The following GLYATL1B variants were observed in gnomAD, a reference collection of about 807,000 sequenced individuals.
The protein encoded by GLYATL1B is putative glycine N-acyltransferase-like protein 1B.
In GLYATL1B, 6 loss-of-function variants were observed where a neutral mutation model predicts 5.5. The observed-to-expected ratio is 1.09, with a 90% confidence interval of 0.60 to 2.15. The LOEUF (loss-of-function observed/expected upper bound fraction) is 2.15, where lower values mean the gene tolerates loss of function less well. Among genes scored for constraint, GLYATL1B ranks in the 30% most tolerant of loss-of-function variants. GLYATL1B has a pLI of 0.00. For synonymous variants in GLYATL1B, 67 were observed against 34.9 expected (o/e 1.92, Z -3.24); for missense variants, 135 against 94.1 (o/e 1.43, Z -1.80).
intron 2 of GLYATL1B, among the ~76,000 whole-genome samples, chr11:59,090,291 A>G (rs549324134): frequency 6.6e-6 from 1 of 151,974 alleles, no homozygotes; most frequent in Non-Finnish European, 1.5e-5. Context: ...AACAAAAACT[A>G]ATTTTTCAGT....
At position 59,091,444 on chromosome 11, in the gene GLYATL1B, C is replaced by A. The variant is rs185422119; in HGVS notation, c.187-2085C>A. ...CTTGGAGTATGGACAGATCCCATCA[C>A]CCTGGTAGTGAGCATAGTACCCGAT... On this transcript the variant is annotated intron_variant, in intron 2 of 4. Transcript: ENST00000527482. Among the ~76,000 whole-genome samples the A allele has an allele frequency of 4.9e-3, 743 of 152,270 alleles. 1 individual carries two copies. Among genetic ancestry groups the A allele is most frequent in the Non-Finnish European group, 8.8e-3 (595 of 67,998 alleles).
chr11:59,087,790 G>GT (rs1377843832), intron 2 of GLYATL1B, among the ~76,000 whole-genome samples: 3 of 152,132 alleles, frequency 2.0e-5, no homozygotes, highest in East Asian at 3.9e-4. Flanking sequence ...TGAGGCTGCA[G>GT]TGAGCCAAGA....
chr11:59,093,498 G>C (rs1299703589), intron 2 of GLYATL1B, 31 bp from the exon 3 acceptor site: 1 of 475,934 alleles, frequency 2.1e-6, no homozygotes, highest in Non-Finnish European at 3.9e-6. Context: ...AAGTTCAAGG[G>C]AATGATCTGA....
At chr11:59,091,801 G>A (rs529697985) in intron 2 of GLYATL1B, among the ~76,000 whole-genome samples, 26 of 152,182 alleles carry the variant, frequency 1.7e-4, no homozygotes, top group African/African-American at 5.8e-4. Flanking sequence ...GCAAAGACAT[G>A]GAATCATCAC....
At chr11:59,086,630 GGTTT>G (rs1428352118) in intron 1 of GLYATL1B, among the ~76,000 whole-genome samples, 14 of 152,114 alleles carry the variant, frequency 9.2e-5, no homozygotes, top group African/African-American at 3.4e-4. Flanking sequence ...TACGAACATC[GGTTT>G]GGGGCCAGAT....
intron 2 of GLYATL1B, among the ~76,000 whole-genome samples, chr11:59,089,020 C>T (rs916562760): frequency 2.6e-5 from 4 of 152,120 alleles, no homozygotes; most frequent in Non-Finnish European, 5.9e-5. Context: ...AAGTTAATAA[C>T]CTCTCACCTC....
intron 2 of GLYATL1B, 104 bp from the exon 3 acceptor site, chr11:59,093,425 T>G: frequency 2.4e-6 from 1 of 417,556 alleles, no homozygotes; most frequent in Non-Finnish European, 4.3e-6. Context: ...CGTGGGCTAG[T>G]GCTAAAACTT....
Position 59,087,144 on chromosome 11 carries a change from G to C in GLYATL1B, c.159G>C (p.Gln53His). 1 of 646,288 alleles carries C rather than the reference G, an allele frequency of 1.5e-6. No homozygotes were observed. The highest frequency in any genetic ancestry group is 2.0e-5 in the Admixed American group (1 of 49,220). 40.0% of individuals were successfully genotyped at this position (646,288 alleles called of 1,614,324 possible). ...EVLVDSWPEY[Q>H]MVIIRPQKQE... ...TGGTGGACTCCTGGCCCGAGTATCA[G>C]ATGGTTATTATCCGACCTCAAAAAC... Residue 53 changes from glutamine to histidine, a missense_variant, in exon 2 of 5, where the codon CAG (glutamine) becomes CAC (histidine). Gln to His is a conservative substitution (Grantham distance 24). Transcript: ENST00000527482.
intron 2 of GLYATL1B, among the ~76,000 whole-genome samples, chr11:59,088,291 C>T (rs1193123457): frequency 6.6e-6 from 1 of 152,144 alleles, no homozygotes; most frequent in Non-Finnish European, 1.5e-5. Context: ...AAGGAATACA[C>T]GATTAAGCTG....
intron 2 of GLYATL1B, among the ~76,000 whole-genome samples, chr11:59,092,137 A>C (rs1202694806): frequency 2.0e-5 from 3 of 149,604 alleles, no homozygotes; most frequent in Non-Finnish European, 4.4e-5. Flanking sequence ...TTCTGTTTCC[A>C]TTCTCATGGC....
intron 2 of GLYATL1B, among the ~76,000 whole-genome samples, chr11:59,092,052 T>A (rs1373468310): frequency 6.6e-6 from 1 of 152,224 alleles, no homozygotes; most frequent in African/African-American, 2.4e-5. Context: ...TCTTGAGGGA[T>A]AACATCCATT....
chr11:59,086,980 C>A (rs1209048670), intron 1 of GLYATL1B, 84 bp from the exon 2 acceptor site: 4 of 482,672 alleles, frequency 8.3e-6, no homozygotes, highest in Admixed American at 3.3e-5. Flanking sequence ...GTCTCTTGAT[C>A]TCCATTTTTC....
chr11:59,092,386 A>C (rs1357070602), intron 2 of GLYATL1B, among the ~76,000 whole-genome samples: 1 of 151,978 alleles, frequency 6.6e-6, no homozygotes, highest in East Asian at 1.9e-4. Context: ...TCTTTTTATA[A>C]TTCTTTGAAT....
intron 2 of GLYATL1B, among the ~76,000 whole-genome samples, chr11:59,090,468 T>C (rs1166541016): frequency 1.3e-5 from 2 of 152,014 alleles, no homozygotes; most frequent in Admixed American, 6.5e-5. Context: ...TGGTAAAATA[T>C]TAGTGTTTTC....
intron 2 of GLYATL1B, among the ~76,000 whole-genome samples, chr11:59,092,226 T>A (rs1413300195): frequency 1.3e-5 from 2 of 151,968 alleles, no homozygotes; most frequent in Admixed American, 1.3e-4. Flanking sequence ...AGTTTATCTC[T>A]CTCTCTCTTC....
chr11:59,088,271 G>A (rs1859232994), intron 2 of GLYATL1B, among the ~76,000 whole-genome samples: 2 of 152,100 alleles, frequency 1.3e-5, no homozygotes, highest in South Asian at 2.1e-4. Context: ...ATTATTGGCC[G>A]AGGACACACA....
rs553641948 is a variant in GLYATL1B at position 59,093,859 on chromosome 11, G to A, written c.314-75G>A. On this transcript the variant is annotated intron_variant, in intron 3 of 4. Transcript: ENST00000527482. The stretch of plus-strand genomic sequence containing the variant: ...AACTTTGAGAACTACTAAGCACTGA[G>A]GCATTAATCAGGTGTGAGCAGTGTA... The A allele has an allele frequency of 7.3e-6, 4 of 545,432 alleles. No individual in the cohort carries two copies. In the African/African-American group the frequency reaches 7.9e-5, roughly 11 times the overall value. The allele number at this position is 545,432 out of a possible 1,614,324, so 33.8% of individuals were successfully genotyped here.
chr11:59,086,987 T>C (rs1859205512), intron 1 of GLYATL1B, 77 bp from the exon 2 acceptor site: 1 of 499,686 alleles, frequency 2.0e-6, no homozygotes, highest in East Asian at 3.0e-5. Flanking sequence ...GATCTCCATT[T>C]TTCTCTTCCT....
chr11:59,093,001 C>A (rs1247930454), intron 2 of GLYATL1B, among the ~76,000 whole-genome samples: 1 of 152,140 alleles, frequency 6.6e-6, no homozygotes, highest in African/African-American at 2.4e-5. Context: ...TCATCTTGTG[C>A]CGAGCTTAAG....
Sources: gnomAD v4.1 joint callset for allele counts (sites outside exome capture counted in the v4.1 genomes callset) on GRCh38, gnomAD v4.1.1 for gene constraint, MANE v1.5 for transcripts, NCBI Gene and HGNC (gene_info 2026-07-23, HGNC 2026-07-21) for gene names.